The following AFG2A variants were observed in gnomAD, a reference collection of about 807,000 sequenced individuals.
AFG2A encodes AAA ATPase AFG2A.
the AFG2A span, among the ~76,000 whole-genome samples, chr4:123,180,847 G>C: frequency 1.3e-5 from 2 of 151,738 alleles, no homozygotes; most frequent in African/African-American, 4.8e-5. Context: ...CTGTTTTTTT[G>C]ATAAAACAAG....
chr4:123,227,309 T>A, the AFG2A span, among the ~76,000 whole-genome samples: 1 of 152,224 alleles, frequency 6.6e-6, no homozygotes, highest in African/African-American at 2.4e-5. Flanking sequence ...TGTCAGGGTA[T>A]CAATTTTAGA....
the AFG2A span, among the ~76,000 whole-genome samples, chr4:123,273,059 T>C: frequency 2.0e-5 from 3 of 152,192 alleles, no homozygotes; most frequent in South Asian, 2.1e-4. Flanking sequence ...TATTCTCTTA[T>C]ATTATTCAGA....
the AFG2A span, among the ~76,000 whole-genome samples, chr4:123,262,973 G>A: frequency 6.6e-6 from 1 of 152,154 alleles, no homozygotes; most frequent in Non-Finnish European, 1.5e-5. Flanking sequence ...AGAACATGGT[G>A]TGGTCTAAAA....
At chr4:123,006,159 TA>T in the AFG2A span, among the ~76,000 whole-genome samples, 1 of 152,232 alleles carries the variant, frequency 6.6e-6, no homozygotes, top group Non-Finnish European at 1.5e-5. Flanking sequence ...AAAGCTATTT[TA>T]ACTGAATAAA....
the AFG2A span, among the ~76,000 whole-genome samples, chr4:122,965,918 T>C: frequency 6.6e-6 from 1 of 152,190 alleles, no homozygotes; most frequent in East Asian, 1.9e-4. Context: ...TTTGAATAAT[T>C]AGACAAAATA....
At chr4:123,247,059 A>G in the AFG2A span, among the ~76,000 whole-genome samples, 14 of 152,294 alleles carry the variant, frequency 9.2e-5, no homozygotes, top group East Asian at 2.5e-3. Context: ...GGTTACACCT[A>G]CTGTACCAAT....
chr4:123,236,939 G>A, the AFG2A span, among the ~76,000 whole-genome samples: 4 of 152,292 alleles, frequency 2.6e-5, no homozygotes, highest in East Asian at 1.9e-4. Flanking sequence ...CATTAGAATC[G>A]AAGAAAATAA....
chr4:123,186,482 G>A, the AFG2A span, among the ~76,000 whole-genome samples: 1 of 152,162 alleles, frequency 6.6e-6, no homozygotes, highest in Non-Finnish European at 1.5e-5. Flanking sequence ...AGAAGTTGGT[G>A]ACATGTTGAA....
chr4:123,265,367 G>A, the AFG2A span, among the ~76,000 whole-genome samples: 1 of 152,008 alleles, frequency 6.6e-6, no homozygotes, highest in Non-Finnish European at 1.5e-5. Flanking sequence ...TTATAATATT[G>A]TTCATTTTAA....
chr4:123,086,966 G>A, the AFG2A span, among the ~76,000 whole-genome samples: 1 of 151,972 alleles, frequency 6.6e-6, no homozygotes, highest in Non-Finnish European at 1.5e-5. Flanking sequence ...CTTACTTGTT[G>A]TCTACTTTGT....
chr4:123,230,480 C>A, the AFG2A span, among the ~76,000 whole-genome samples: 1 of 151,842 alleles, frequency 6.6e-6, no homozygotes. Flanking sequence ...CCTATTTTCA[C>A]CCCATTTGCA....
At chr4:123,236,759 G>A in the AFG2A span, among the ~76,000 whole-genome samples, 7 of 152,120 alleles carry the variant, frequency 4.6e-5, no homozygotes. Flanking sequence ...AACTTTCTCT[G>A]TCAGAGTCAG....
the AFG2A span, chr4:123,057,091 C>T: frequency 5.2e-6 from 5 of 953,678 alleles, no homozygotes; most frequent in Non-Finnish European, 8.3e-6. Flanking sequence ...TACAAAGTGA[C>T]TGGGCTTGTT....
chr4:123,055,475 G>A, the AFG2A span, among the ~76,000 whole-genome samples: 1 of 152,118 alleles, frequency 6.6e-6, no homozygotes, highest in South Asian at 2.1e-4. Context: ...TTTATATGAA[G>A]CCAAATACTG....
chr4:123,126,408 C>G, the AFG2A span, among the ~76,000 whole-genome samples: 1 of 152,176 alleles, frequency 6.6e-6, no homozygotes, highest in Non-Finnish European at 1.5e-5. Flanking sequence ...TTGATGTTCT[C>G]TAATAGTTCA....
chr4:123,266,313 T>A, the AFG2A span, among the ~76,000 whole-genome samples: 2 of 151,994 alleles, frequency 1.3e-5, no homozygotes, highest in Non-Finnish European at 2.9e-5. Context: ...TAAATAAGGA[T>A]AAGAGAGGTC....
chr4:123,067,925 T>C, the AFG2A span, among the ~76,000 whole-genome samples: 1 of 152,224 alleles, frequency 6.6e-6, no homozygotes, highest in African/African-American at 2.4e-5. Context: ...AGATTTGGTC[T>C]GTGCCTATAG....
the AFG2A span, among the ~76,000 whole-genome samples, chr4:123,243,832 C>T: frequency 2.0e-5 from 3 of 151,468 alleles, no homozygotes; most frequent in East Asian, 2.0e-4. Context: ...GCCTGGGCAC[C>T]GTAGGGAGAC....
At chr4:122,938,061 TAAAAC>T in the AFG2A span, 2 of 1,428,168 alleles carry the variant, frequency 1.4e-6, no homozygotes, top group Non-Finnish European at 1.9e-6. Flanking sequence ...TTAAAAAAAT[TAAAAC>T]TAAGTAAAAC....
Sources: allele counts gnomAD v4.1 joint callset (sites outside exome capture counted in the v4.1 genomes callset), GRCh38; gene constraint gnomAD v4.1.1; transcripts MANE v1.5; gene names NCBI Gene and HGNC (gene_info 2026-07-23, HGNC 2026-07-21).